SOX5: variants seen among roughly 807,000 people sequenced by gnomAD.
SOX5 encodes the protein transcription factor SOX-5.
A neutral mutation model predicts 92.0 loss-of-function variants in SOX5; 9 were observed. The observed-to-expected ratio is 0.10, with a 90% CI of 0.06 to 0.17. The LOEUF (loss-of-function observed/expected upper bound fraction) is 0.17, where lower values mean the gene tolerates loss of function less well. SOX5 is among the 10% of genes least tolerant of loss of function. The pLI is 1.00. For missense variants in SOX5, 642 were observed against 944.5 expected (o/e 0.68, Z 4.20); for synonymous variants, 344 against 336.3 (o/e 1.02, Z -0.25).
chr12:23,844,039 T>C (rs1404439097), intron 3 of SOX5, among the ~76,000 whole-genome samples: 3 of 152,198 alleles, frequency 2.0e-5, no homozygotes, highest in Non-Finnish European at 4.4e-5. Flanking sequence ...AAAATGCACT[T>C]AATTCAGCTA....
intron 3 of SOX5, among the ~76,000 whole-genome samples, chr12:23,789,143 A>G (rs146909590): frequency 1.3e-5 from 2 of 152,026 alleles, no homozygotes; most frequent in East Asian, 3.9e-4. Flanking sequence ...GGCAGAGAAA[A>G]GAAAGAAAGA....
chr12:24,380,519 T>C (rs1957720952), intron 1 of SOX5, among the ~76,000 whole-genome samples: 1 of 152,184 alleles, frequency 6.6e-6, no homozygotes, highest in South Asian at 2.1e-4. Flanking sequence ...AAGAAGCACA[T>C]TTGTAATGTA....
intron 4 of SOX5, among the ~76,000 whole-genome samples, chr12:24,181,719 A>G (rs1955518116): frequency 6.6e-6 from 1 of 152,206 alleles, no homozygotes; most frequent in Non-Finnish European, 1.5e-5. Flanking sequence ...CTATTTTAAA[A>G]ATATACTGAA....
At chr12:24,470,264 G>T (rs756272611) in intron 1 of SOX5, among the ~76,000 whole-genome samples, 1 of 152,078 alleles carries the variant, frequency 6.6e-6, no homozygotes, top group African/African-American at 2.4e-5. Context: ...GCATCATTAC[G>T]ACATCAGCCT....
At chr12:24,027,157 C>T (rs562324689) in intron 4 of SOX5, among the ~76,000 whole-genome samples, 1 of 152,148 alleles carries the variant, frequency 6.6e-6, no homozygotes, top group East Asian at 1.9e-4. Flanking sequence ...ACACCCTCCA[C>T]CTTAGCTTCT....
Position 23,923,864 on chromosome 12 carries a change from T to C in SOX5, c.38+25700A>G, listed in dbSNP as rs549146935. 5.9e-5 allele frequency among the ~76,000 whole-genome samples: 9 copies of C among 152,304 alleles called. No individual in the cohort carries two copies. In the East Asian group the frequency reaches 9.6e-4, roughly 16 times the overall value. Reference sequence around the variant, plus strand: ...GTGCTCCAAAAGCCTATACAACCTCTAGCTTGAAAGCCACCACCATTATAT... The same window carrying C: ...GTGCTCCAAAAGCCTATACAACCTCCAGCTTGAAAGCCACCACCATTATAT... On this transcript the variant is annotated intron_variant, in intron 1 of 14. Transcript: ENST00000451604.
At chr12:24,353,360 C>T (rs1389946634) in intron 2 of SOX5, among the ~76,000 whole-genome samples, 1 of 152,168 alleles carries the variant, frequency 6.6e-6, no homozygotes, top group East Asian at 1.9e-4. Context: ...CTCTTCTCTA[C>T]TCATATTTCC....
At chr12:23,791,992 T>A (rs1469664480) in intron 3 of SOX5, among the ~76,000 whole-genome samples, 1 of 152,046 alleles carries the variant, frequency 6.6e-6, no homozygotes, top group African/African-American at 2.4e-5. Context: ...TATTAAATTA[T>A]CTCTTTCTAA....
At chr12:24,206,017 C>A (rs1025643310) in intron 4 of SOX5, among the ~76,000 whole-genome samples, 2 of 152,162 alleles carry the variant, frequency 1.3e-5, no homozygotes, top group African/African-American at 2.4e-5. Context: ...TCCAAGAATA[C>A]AACATTGTTC....
intron 3 of SOX5, among the ~76,000 whole-genome samples, chr12:23,780,583 T>C (rs2095257072): frequency 6.6e-6 from 1 of 152,006 alleles, no homozygotes; most frequent in East Asian, 1.9e-4. Flanking sequence ...TGAGGGAGAA[T>C]TTATTTTAAA....
intron 1 of SOX5, among the ~76,000 whole-genome samples, chr12:24,505,403 G>C (rs570819193): frequency 6.6e-6 from 1 of 152,178 alleles, no homozygotes; most frequent in African/African-American, 2.4e-5. Flanking sequence ...AGAATAAGGT[G>C]GTGGTTTCTT....
chr12:24,350,671 A>G (rs1440897262), intron 2 of SOX5, among the ~76,000 whole-genome samples: 5 of 152,054 alleles, frequency 3.3e-5, no homozygotes, highest in Admixed American at 3.3e-4. Context: ...TAGCTTTTTT[A>G]TGAGAAAAAT....
At chr12:23,541,432 A>G (rs1343809146) in intron 13 of SOX5, among the ~76,000 whole-genome samples, 1 of 152,204 alleles carries the variant, frequency 6.6e-6, no homozygotes, top group Non-Finnish European at 1.5e-5. Context: ...GCTTACATAA[A>G]GTATTCTTTT....
intron 9 of SOX5, among the ~76,000 whole-genome samples, chr12:23,589,329 C>T (rs548531823): frequency 6.6e-6 from 1 of 152,008 alleles, no homozygotes; most frequent in African/African-American, 2.4e-5. Context: ...CTGTGCCTTT[C>T]ATTTCAGGAT....
At chr12:24,014,465 T>C (rs1312446689) in intron 4 of SOX5, among the ~76,000 whole-genome samples, 1 of 152,174 alleles carries the variant, frequency 6.6e-6, no homozygotes, top group Admixed American at 6.6e-5. Flanking sequence ...CTGGTGACTA[T>C]GTATAAGGCA....
At chr12:23,965,503 C>T (rs963465827) in intron 4 of SOX5, among the ~76,000 whole-genome samples, 1 of 152,160 alleles carries the variant, frequency 6.6e-6, no homozygotes, top group African/African-American at 2.4e-5. Flanking sequence ...TGTGGACAGA[C>T]CATCTGTGCT....
intron 4 of SOX5, among the ~76,000 whole-genome samples, chr12:24,034,211 G>A (rs1955788649): frequency 6.6e-6 from 1 of 152,070 alleles, no homozygotes; most frequent in African/African-American, 2.4e-5. Context: ...GAGAATGAGT[G>A]AATGAGAAGG....
chr12:24,036,327 A>G (rs77913481), intron 4 of SOX5, among the ~76,000 whole-genome samples: 2 of 152,226 alleles, frequency 1.3e-5, no homozygotes, highest in African/African-American at 4.8e-5. Flanking sequence ...GTAAATGATA[A>G]TTAATGCCAT....
intron 2 of SOX5, among the ~76,000 whole-genome samples, chr12:24,350,273 T>G (rs2141157738): frequency 6.6e-6 from 1 of 152,342 alleles, no homozygotes; most frequent in South Asian, 2.1e-4. Flanking sequence ...TGCTCCCTCT[T>G]TCTTACTTGC....
Sources: gnomAD v4.1 joint callset for allele counts (sites outside exome capture counted in the v4.1 genomes callset) on GRCh38, gnomAD v4.1.1 for gene constraint, MANE v1.5 for transcripts, NCBI Gene and HGNC (gene_info 2026-07-23, HGNC 2026-07-21) for gene names.